Variants in LIMS2 observed in about 807,000 individuals in gnomAD.
The protein encoded by LIMS2 is LIM and senescent cell antigen-like-containing domain protein 2.
A neutral mutation model predicts 45.3 loss-of-function variants in LIMS2; 30 were observed. The ratio of observed to expected loss-of-function variants is 0.66; its 90% confidence interval spans 0.50 to 0.90. The LOEUF is 0.90. Among genes scored for constraint, LIMS2 ranks in the 40% least tolerant of loss-of-function variants. The pLI, the probability that LIMS2 is intolerant of heterozygous loss-of-function variation, is 0.00. For synonymous variants in LIMS2, 173 were observed against 188.0 expected, an observed-to-expected ratio of 0.92 and a Z score of 0.65; for missense variants, 485 against 468.7, an observed-to-expected ratio of 1.03 and a Z score of -0.32.
intron 1 of LIMS2, chr2:127,674,072 C>A: frequency 3.1e-6 from 1 of 326,506 alleles, no homozygotes; most frequent in South Asian, 3.2e-5. Context: ...GCCTTAATGG[C>A]GATCACAGAG....
At chr2:127,643,725 C>T (rs34886973) in intron 4 of LIMS2, among the ~76,000 whole-genome samples, 32,653 of 152,166 alleles carry the variant, frequency 0.21, 4,139 homozygotes, top group South Asian at 0.37. Flanking sequence ...TTTCCTTGGA[C>T]CTCAAAGGTG....
Position 127,647,876 on chromosome 2 carries a change from G to A in LIMS2, c.360-4804C>T, listed in dbSNP as rs533003337. Among the ~76,000 whole-genome samples the A allele has an allele frequency of 2.6e-5, 4 of 151,966 alleles. No homozygotes were observed. The highest frequency in any genetic ancestry group is 1.3e-4 in the Admixed American group (2 of 15,268). ...TCATGGGCCCCCCTCCCCTGCCACC[G>A]TCCCACCGGTACCTGCTCCCTGTTC... On this transcript the variant is annotated intron_variant, in intron 4 of 9. Coordinates refer to ENST00000355119, the MANE Select transcript of LIMS2 (RefSeq NM_001161403.3). This position sits in a 1 kb window ranked among gnomAD's most constrained non-coding sequence, Gnocchi z 4.3.
intron 4 of LIMS2, chr2:127,643,517 G>C (rs1436091757): frequency 6.6e-6 from 3 of 456,874 alleles, no homozygotes; most frequent in Admixed American, 4.7e-5. Flanking sequence ...GGGTTTGCCA[G>C]ATGAAGAAGG....
At chr2:127,670,928 T>C (rs1316389497) in intron 1 of LIMS2, among the ~76,000 whole-genome samples, 1 of 152,230 alleles carries the variant, frequency 6.6e-6, no homozygotes, top group Non-Finnish European at 1.5e-5. Flanking sequence ...AGGTTTTATG[T>C]TCATATGTGT....
At chr2:127,678,606 G>A (rs1685550787), upstream of LIMS2, among the ~76,000 whole-genome samples, 1 of 152,192 alleles carries the variant, frequency 6.6e-6, no homozygotes, top group Non-Finnish European at 1.5e-5. The surrounding 1 kb of genome is among the most constrained non-coding windows in gnomAD (Gnocchi z 5.3). Flanking sequence ...CAACCAACAG[G>A]ATTTGCTGGG....
At chr2:127,660,154 A>G (rs1469430258) in intron 1 of LIMS2, among the ~76,000 whole-genome samples, 1 of 152,240 alleles carries the variant, frequency 6.6e-6, no homozygotes, top group South Asian at 2.1e-4. Flanking sequence ...GTGTCTAGCT[A>G]AAGGTTTGTA....
chr2:127,662,578 T>C (rs1233910903), intron 1 of LIMS2, among the ~76,000 whole-genome samples: 1 of 137,894 alleles, frequency 7.3e-6, no homozygotes, highest in Non-Finnish European at 1.5e-5. Flanking sequence ...GAATTGAACA[T>C]TGAGAACACA....
rs546120076 is a variant in LIMS2, at chr2:127,642,907, C to G, written c.509+16G>C. The G allele has an allele frequency of 1.3e-6, 2 of 1,554,250 alleles. No homozygotes were observed. Among genetic ancestry groups the G allele is most frequent in the African/African-American group, 2.7e-5 (2 of 73,254 alleles). ...CTCCCCGCCCCCACAACTGCAGGGCCGGGCTGCGCACCTACCCACAGTGGG... is the reference window on the plus strand; with the variant it reads ...CTCCCCGCCCCCACAACTGCAGGGCGGGGCTGCGCACCTACCCACAGTGGG... On this transcript the variant is annotated intron_variant, in intron 5 of 9. Transcript: ENST00000355119. This position sits in a 1 kb window ranked among gnomAD's most constrained non-coding sequence, Gnocchi z 5.3.
intron 4 of LIMS2, chr2:127,650,086 A>G (rs1187121119): frequency 6.9e-6 from 11 of 1,599,750 alleles, no homozygotes; most frequent in Non-Finnish European, 9.4e-6. Context: ...GTGGGTAAAA[A>G]GAGTAGACCT....
chr2:127,663,296 C>T (rs1056755633), intron 1 of LIMS2, among the ~76,000 whole-genome samples: 1 of 152,004 alleles, frequency 6.6e-6, no homozygotes, highest in Admixed American at 6.5e-5. Context: ...CCTCCTGAGT[C>T]TGGGGGTCCC....
chr2:127,678,038 A>G (rs1685539635), upstream of LIMS2, among the ~76,000 whole-genome samples: 1 of 152,204 alleles, frequency 6.6e-6, no homozygotes, highest in Non-Finnish European at 1.5e-5. The surrounding 1 kb of genome is among the most constrained non-coding windows in gnomAD (Gnocchi z 5.3). Context: ...TGTACATTTT[A>G]CCTCAAAAGA....
chr2:127,648,894 G>C lies in LIMS2; in HGVS notation c.359+5530C>G, dbSNP rs1247196955. On this transcript the variant is annotated intron_variant, in intron 4 of 9. Coordinates refer to ENST00000355119, the MANE Select transcript of LIMS2 (RefSeq NM_001161403.3). ...TGATTGCACCACTGCACTCCAGCCT[G>C]GGTGACAGAGGGAGACCTTGAAAAA... Among the ~76,000 whole-genome samples the C allele has an allele frequency of 2.0e-5, 3 of 146,506 alleles. No individual in the cohort carries two copies. In the East Asian group the frequency reaches 6.3e-4, roughly 31 times the overall value.
chr2:127,665,085 T>A (rs991494067), intron 1 of LIMS2, among the ~76,000 whole-genome samples: 1 of 152,140 alleles, frequency 6.6e-6, no homozygotes, highest in African/African-American at 2.4e-5. Context: ...AGGCACCATG[T>A]ACCCCGCATT....
In LIMS2 at chr2:127,667,387, C is replaced by T. The variant is rs1161220000; in HGVS notation, c.11+7627G>A. Among the ~76,000 whole-genome samples, 1 of 152,214 alleles carries T rather than the reference C, an allele frequency of 6.6e-6. No homozygotes were observed. The highest frequency in any genetic ancestry group is 1.5e-5 in the Non-Finnish European group (1 of 68,042). On this transcript the variant is annotated intron_variant, in intron 1 of 9. Coordinates refer to ENST00000355119, the MANE Select transcript of LIMS2 (RefSeq NM_001161403.3). This position sits in a 1 kb window ranked among gnomAD's most constrained non-coding sequence, Gnocchi z 4.1. ...GACTAGGAGGGAATACTTCACAACT[C>T]ATTCTATAAATATTATCTTGATCTC...
At chr2:127,658,695 C>A (rs1684423791) in intron 1 of LIMS2, among the ~76,000 whole-genome samples, 1 of 152,202 alleles carries the variant, frequency 6.6e-6, no homozygotes, top group Non-Finnish European at 1.5e-5. Context: ...ATACCCCACA[C>A]CTTTTGCTAG....
At chr2:127,660,139 G>A (rs976051517) in intron 1 of LIMS2, among the ~76,000 whole-genome samples, 1 of 152,174 alleles carries the variant, frequency 6.6e-6, no homozygotes, top group South Asian at 2.1e-4. Context: ...ACCAATCAGT[G>A]CTCTGTGTCT....
In LIMS2 at chr2:127,642,355, A is replaced by T. The variant is rs1247611843; in HGVS notation, c.510-156T>A. ...CTTCTGATCTCTGGGCACTTTGAAG[A>T]CTTCCTGTGCCCCAGACAGGCCCTG... On this transcript the variant is annotated intron_variant, in intron 5 of 9. Transcript: ENST00000355119. This position sits in a 1 kb window ranked among gnomAD's most constrained non-coding sequence, Gnocchi z 5.3. 1.2e-6 allele frequency: 1 copy of T among 808,820 alleles called. No individual in the cohort carries two copies. The highest frequency in any genetic ancestry group is 1.8e-5 in the African/African-American group (1 of 56,918). 50.1% of individuals were successfully genotyped at this position (808,820 alleles called of 1,614,324 possible).
Position 127,672,272 on chromosome 2 carries a change from A to G in LIMS2, c.11+2742T>C, listed in dbSNP as rs912326830. 1.3e-5 allele frequency among the ~76,000 whole-genome samples: 2 copies of G among 152,180 alleles called. No homozygotes were observed. The highest frequency in any genetic ancestry group is 2.9e-5 in the Non-Finnish European group (2 of 68,026). ...TGCCAGAGGTCCCTTCAGCTGTGAT[A>G]GTCAAAGATCTTGTGGTTGTAAGTT... On this transcript the variant is annotated intron_variant, in intron 1 of 9. Coordinates refer to ENST00000355119, the MANE Select transcript of LIMS2 (RefSeq NM_001161403.3). The surrounding 1 kb of genome is among the most constrained non-coding windows in gnomAD (Gnocchi z 4.9).
intron 1 of LIMS2, among the ~76,000 whole-genome samples, chr2:127,663,778 C>A (rs912301768): frequency 6.6e-6 from 1 of 152,176 alleles, no homozygotes; most frequent in African/African-American, 2.4e-5. Flanking sequence ...TTCAGGAGCT[C>A]CTCCTCATGC....
Sources: gnomAD v4.1 joint callset for allele counts (sites outside exome capture counted in the v4.1 genomes callset) on GRCh38, gnomAD v4.1.1 for gene constraint, Gnocchi (gnomAD v3.1) non-coding constraint, MANE v1.5 for transcripts, NCBI Gene and HGNC (gene_info 2026-07-23, HGNC 2026-07-21) for gene names.